RBM39: variants seen among roughly 807,000 people sequenced by gnomAD.
The protein encoded by RBM39 is RNA binding motif protein 39.
A neutral mutation model predicts 79.6 loss-of-function variants in RBM39; 12 were observed. The ratio of observed to expected loss-of-function variants is 0.15; its 90% CI spans 0.10 to 0.24. RBM39 has a LOEUF of 0.24. Ranked by LOEUF, RBM39 falls within the 10% of genes least tolerant of loss-of-function variation. The pLI is 1.00. For missense variants in RBM39, 243 were observed against 653.4 expected, an observed-to-expected ratio of 0.37 and a Z score of 6.85; for synonymous variants, 185 against 208.4, an observed-to-expected ratio of 0.89 and a Z score of 0.97.
rs538414845 is a variant in RBM39, at chr20:35,715,105, A to C, written c.892-716T>G. 2.0e-5 allele frequency among the ~76,000 whole-genome samples: 3 copies of C among 152,328 alleles called. No individual in the cohort carries two copies. The East Asian group carries it at 5.8e-4, about 29-fold the overall frequency. On this transcript the variant is annotated intron_variant, in intron 10 of 16. Transcript: ENST00000253363. ...TTTTATTGAAATGTAGATATAAGCT[A>C]ACAATTTTAATTTCCTGATAGAGAT...
chr20:35,717,342 T>C (rs2037276964), intron 9 of RBM39, among the ~76,000 whole-genome samples: 1 of 149,916 alleles, frequency 6.7e-6, no homozygotes, highest in Non-Finnish European at 1.5e-5. Flanking sequence ...CGAGAAATTA[T>C]GCACTGGGGA....
At chr20:35,737,666 A>C (rs778431786) in intron 3 of RBM39, among the ~76,000 whole-genome samples, 4 of 147,114 alleles carry the variant, frequency 2.7e-5, no homozygotes, top group Non-Finnish European at 6.0e-5. Context: ...TGGCTAACAC[A>C]ATGAAACCCT....
rs149613749 is a variant in RBM39, at chr20:35,722,190, G to A, written c.688-313C>T. 4.7e-3 allele frequency among the ~76,000 whole-genome samples: 707 copies of A among 152,016 alleles called. 1 individual carries two copies. Among genetic ancestry groups the A allele is most frequent in the African/African-American group, 0.016 (652 of 41,458 alleles). On this transcript the variant is annotated intron_variant, in intron 8 of 16. Coordinates refer to ENST00000253363, the MANE Select transcript of RBM39 (RefSeq NM_184234.3). Reference sequence around the variant, plus strand: ...TAGTAGGCTAAAGCAGCCAGATCACGACATCAAGAGATCAAGACCATACTG... The same window carrying A: ...TAGTAGGCTAAAGCAGCCAGATCACAACATCAAGAGATCAAGACCATACTG...
At chr20:35,719,140 C>T (rs2037562689) in intron 9 of RBM39, among the ~76,000 whole-genome samples, 1 of 152,100 alleles carries the variant, frequency 6.6e-6, no homozygotes, top group South Asian at 2.1e-4. Context: ...AATCTTTCTC[C>T]TGTCTGAGCC....
intron 9 of RBM39, 44 bp from the exon 10 acceptor site, chr20:35,716,849 C>T (rs2037192741): frequency 7.6e-7 from 1 of 1,321,792 alleles, no homozygotes; most frequent in Non-Finnish European, 1.1e-6. Flanking sequence ...AAGCAGAGTA[C>T]AAAACTACTT....
chr20:35,732,323 C>T lies in RBM39; in HGVS notation c.102-188G>A, dbSNP rs568084615. On this transcript the variant is annotated intron_variant, in intron 3 of 16. Coordinates refer to ENST00000253363, the MANE Select transcript of RBM39 (RefSeq NM_184234.3). ...CTGTAATCTCAGCACTTTGGTAGGC[C>T]GAGGCAGGCAGATCACAAGGTCAGG... 3 of 602,458 alleles carry T rather than the reference C, an allele frequency of 5.0e-6. No individual in the cohort carries two copies. The East Asian group carries it at 8.6e-5, about 17-fold the overall frequency. 37.3% of individuals were successfully genotyped at this position (602,458 alleles called of 1,614,324 possible). A position where few individuals can be genotyped will look rare whatever the true frequency, so the allele number is the denominator to read the frequency against.
chr20:35,707,024 T>TC, intron 14 of RBM39, 96 bp downstream of exon 14: 1 of 472,954 alleles, frequency 2.1e-6, no homozygotes, highest in Non-Finnish European at 3.0e-6. Flanking sequence ...CGAAACTCCA[T>TC]CTTAAAAAAA....
At chr20:35,739,366 A>G (rs1388582786) in intron 2 of RBM39, 2 of 465,184 alleles carry the variant, frequency 4.3e-6, no homozygotes, top group Admixed American at 4.9e-5. Flanking sequence ...GTTTTATTCC[A>G]TGTGCTATGG....
At chr20:35,731,630 G>T in intron 4 of RBM39, 2 of 318,052 alleles carry the variant, frequency 6.3e-6, no homozygotes, top group South Asian at 1.1e-4. Flanking sequence ...TAGGTATTTG[G>T]GCACTACAAT....
intron 8 of RBM39, among the ~76,000 whole-genome samples, chr20:35,722,310 G>C (rs1020071238): frequency 2.0e-5 from 3 of 151,738 alleles, no homozygotes; most frequent in Non-Finnish European, 4.4e-5. Flanking sequence ...AGGAGGCTGA[G>C]GCAGGAGAAT....
chr20:35,720,663 C>T (rs959412779), intron 9 of RBM39, among the ~76,000 whole-genome samples: 3 of 151,822 alleles, frequency 2.0e-5, no homozygotes, highest in African/African-American at 4.8e-5. Flanking sequence ...CCCAACTACT[C>T]GGAAGGCTAA....
chr20:35,724,838 T>A, intron 7 of RBM39, 116 bp from the exon 8 acceptor site: 3 of 1,275,392 alleles, frequency 2.4e-6, no homozygotes, highest in Non-Finnish European at 3.3e-6. Flanking sequence ...AAAAAGTAAA[T>A]CTGTAGGACA....
Position 35,702,934 on chromosome 20 carries a change from G to C in RBM39, c.*1547C>G, listed in dbSNP as rs1427573767. 6.6e-6 allele frequency: 1 copy of C among 151,964 alleles called. No homozygotes were observed. Among genetic ancestry groups the C allele is most frequent in the African/African-American group, 2.4e-5 (1 of 41,342 alleles). 9.4% of individuals were successfully genotyped at this position (151,964 alleles called of 1,614,324 possible). ...AAAAAGAAAAAGAAATTGAACCTTG[G>C]GAGTTTCCATACAAATTAAATCACT... On this transcript the variant is annotated 3_prime_UTR_variant, in exon 17 of 17. Coordinates refer to ENST00000253363, the MANE Select transcript of RBM39 (RefSeq NM_184234.3).
chr20:35,741,014 G>A (rs2040439348), intron 1 of RBM39, 127 bp from the exon 2 acceptor site: 1 of 172,626 alleles, frequency 5.8e-6, no homozygotes, highest in Admixed American at 8.8e-5. Flanking sequence ...AGACGATTCC[G>A]TGAGTAAACA....
At chr20:35,720,522 C>T (rs898819069) in intron 9 of RBM39, among the ~76,000 whole-genome samples, 2 of 151,706 alleles carry the variant, frequency 1.3e-5, no homozygotes, top group Admixed American at 1.3e-4. Context: ...ACCTGTAATC[C>T]CAGCACTTTA....
chr20:35,723,607 T>C (rs746854667), intron 8 of RBM39, among the ~76,000 whole-genome samples: 13 of 152,112 alleles, frequency 8.5e-5, no homozygotes, highest in Non-Finnish European at 1.9e-4. Context: ...CCCAGCTAAT[T>C]TTTGCATTTT....
chr20:35,712,960 G>C, intron 12 of RBM39, 59 bp downstream of exon 12: 3 of 1,439,532 alleles, frequency 2.1e-6, no homozygotes, highest in East Asian at 4.7e-5. Context: ...GTAAAAATTT[G>C]GAAAATTTTC....
At chr20:35,728,021 T>C (rs2425108) in intron 6 of RBM39, among the ~76,000 whole-genome samples, 3,213 of 152,106 alleles carry the variant, frequency 0.021, 115 homozygotes, top group African/African-American at 0.074. Context: ...CTCTTGACCT[T>C]GTGGATCCAC....
rs770812065 is a variant in RBM39 at position 35,724,989 on chromosome 20, T to C, written c.534+49A>G. The C allele has an allele frequency of 3.6e-5, 47 of 1,295,252 alleles. No individual in the cohort carries two copies. In the Admixed American group the frequency reaches 9.2e-4, roughly 25 times the overall value. The allele number at this position is 1,295,252 out of a possible 1,614,324, so 80.2% of individuals were successfully genotyped here. ...TGAAGTATTTGATGTTTACATGTTT[T>C]CTCTTGCAATTTCTACCTACTTGAC... On this transcript the variant is annotated intron_variant, in intron 7 of 16. Coordinates refer to ENST00000253363, the MANE Select transcript of RBM39 (RefSeq NM_184234.3).
Sources: gnomAD v4.1 joint callset for allele counts (sites outside exome capture counted in the v4.1 genomes callset) on GRCh38, gnomAD v4.1.1 for gene constraint, MANE v1.5 for transcripts, NCBI Gene and HGNC (gene_info 2026-07-23, HGNC 2026-07-21) for gene names.